The following CDC123 variants were observed in gnomAD, a reference collection of about 807,000 sequenced individuals.
CDC123 encodes cell division cycle 123.
In CDC123, 37 loss-of-function variants were observed where a neutral mutation model predicts 54.4. The observed-to-expected ratio is 0.68, with a 90% CI of 0.52 to 0.89. The LOEUF is 0.89. Among genes scored for constraint, CDC123 ranks in the 40% least tolerant of loss-of-function variants. The pLI is 0.00. For synonymous variants in CDC123, 144 were observed against 136.8 expected, an observed-to-expected ratio of 1.05 and a Z score of -0.37; for missense variants, 361 against 412.1, an observed-to-expected ratio of 0.88 and a Z score of 1.07.
intron 6 of CDC123, among the ~76,000 whole-genome samples, chr10:12,224,536 A>G (rs895146144): frequency 1.3e-5 from 2 of 152,172 alleles, no homozygotes; most frequent in African/African-American, 2.4e-5. Flanking sequence ...TTATTACTTA[A>G]TCACATTTGT....
chr10:12,226,905 G>A (rs1053652435), intron 6 of CDC123, among the ~76,000 whole-genome samples: 17 of 152,082 alleles, frequency 1.1e-4, no homozygotes, highest in Non-Finnish European at 1.5e-4. Context: ...GAAGGCAGGC[G>A]GCTGGGAGGT....
In CDC123 at chr10:12,249,281, T is replaced by C. The variant is rs545114526; in HGVS notation, c.847-300T>C. 4.6e-5 allele frequency among the ~76,000 whole-genome samples: 7 copies of C among 152,166 alleles called. No individual in the cohort carries two copies. The South Asian group carries it at 1.2e-3, about 27-fold the overall frequency. On this transcript the variant is annotated intron_variant, in intron 11 of 12. Transcript: ENST00000281141. ...CTGAGATATTTTCTGTACTAAAATT[T>C]AAAAAACTCAGCTGGGCGTGGTGGC... is the stretch of plus-strand genomic sequence containing the variant.
chr10:12,233,556 A>G (rs975618723), intron 7 of CDC123, among the ~76,000 whole-genome samples: 1 of 149,232 alleles, frequency 6.7e-6, no homozygotes, highest in African/African-American at 2.6e-5. Context: ...ACAATTGCTT[A>G]TTTATTTGTT....
intron 9 of CDC123, 148 bp from the exon 10 acceptor site, chr10:12,238,309 G>A: frequency 1.3e-6 from 1 of 797,872 alleles, no homozygotes; most frequent in Non-Finnish European, 1.9e-6. Context: ...GCCTTTTTAT[G>A]TTTGAAGTTT....
chr10:12,222,960 T>C (rs961088064), intron 6 of CDC123, among the ~76,000 whole-genome samples: 1 of 151,966 alleles, frequency 6.6e-6, no homozygotes, highest in Non-Finnish European at 1.5e-5. Flanking sequence ...GGCGTGATCG[T>C]GGCTCACTGC....
At chr10:12,221,124 T>C (rs1290822058) in intron 6 of CDC123, among the ~76,000 whole-genome samples, 1 of 151,812 alleles carries the variant, frequency 6.6e-6, no homozygotes, top group Non-Finnish European at 1.5e-5. Context: ...TATACTATTT[T>C]GAGGCTTGAC....
intron 6 of CDC123, 59 bp from the exon 7 acceptor site, chr10:12,230,889 G>A (rs1008257155): frequency 1.6e-5 from 24 of 1,459,382 alleles, no homozygotes; most frequent in South Asian, 1.1e-4. Flanking sequence ...TGTTAAGTGT[G>A]TGCATAAACT....
At chr10:12,215,688 A>G (rs542541343) in intron 4 of CDC123, 52 bp from the exon 5 acceptor site, 4 of 1,058,858 alleles carry the variant, frequency 3.8e-6, no homozygotes, top group South Asian at 1.4e-5. Flanking sequence ...CTTGTTTTAT[A>G]TATATACTGT....
In CDC123 at chr10:12,217,341, G is replaced by A; in HGVS notation, c.334-20G>A. On this transcript the variant is annotated intron_variant, in intron 5 of 12. Transcript: ENST00000281141. ...GCCAACATGGAATATGGACTAAATA[G>A]CATGTGCTTCATTCTTTAGGATGCG... 1.2e-6 allele frequency: 2 copies of A among 1,606,400 alleles called. No individual in the cohort carries two copies. The highest frequency in any genetic ancestry group is 1.7e-6 in the Non-Finnish European group (2 of 1,174,958).
chr10:12,196,420 T>A, intron 1 of CDC123, 101 bp downstream of exon 1: 1 of 1,471,236 alleles, frequency 6.8e-7, no homozygotes, highest in Non-Finnish European at 9.4e-7. Flanking sequence ...TTCTAGCGAC[T>A]GCATGGGAGG....
In CDC123 at chr10:12,231,147, A is replaced by G. The variant is rs1305529152; in HGVS notation, c.489+151A>G. The stretch of plus-strand genomic sequence containing the variant: ...AATTTTAAATTTATGAAATATACAC[A>G]TAAAAGGATATATATTATATATAGA... On this transcript the variant is annotated intron_variant, in intron 7 of 12. Transcript: ENST00000281141. 7.9e-6 allele frequency: 5 copies of G among 630,508 alleles called. 1 individual carries two copies. The Admixed American group carries it at 8.9e-5, about 11-fold the overall frequency. 39.1% of individuals were successfully genotyped at this position (630,508 alleles called of 1,614,324 possible).
chr10:12,217,448 A>G lies in CDC123; in HGVS notation c.421A>G (p.Thr141Ala). Residue 141 changes from threonine (T) to alanine (A), a missense_variant, in exon 6 of 13, where the codon ACT becomes GCT. Thr to Ala is a moderately conservative substitution (Grantham distance 58). Coordinates refer to ENST00000281141, the MANE Select transcript of CDC123 (RefSeq NM_006023.3). ...GCTTTTCAAGAGTTCCGATTTCATC[A>G]CTCGTGACTTCACTCAGCCGTAAGT... is the stretch of plus-strand genomic sequence containing the variant. The part of the protein sequence containing the change: ...FLLFKSSDFI[T>A]RDFTQPFIHC... The G allele has an allele frequency of 6.2e-7, 1 of 1,613,828 alleles. No individual in the cohort carries two copies. The highest frequency in any genetic ancestry group is 8.5e-7 in the Non-Finnish European group (1 of 1,179,886).
intron 6 of CDC123, among the ~76,000 whole-genome samples, chr10:12,221,674 C>T (rs972924867): frequency 2.0e-5 from 3 of 150,692 alleles, no homozygotes; most frequent in South Asian, 4.2e-4. Flanking sequence ...TTTCAAACAT[C>T]GTAAGATTTT....
chr10:12,235,658 G>A (rs928351005), intron 8 of CDC123, among the ~76,000 whole-genome samples: 62 of 152,066 alleles, frequency 4.1e-4, no homozygotes, highest in African/African-American at 1.4e-3. Context: ...TCTTTATTTT[G>A]TTAATGCATA....
intron 8 of CDC123, among the ~76,000 whole-genome samples, chr10:12,235,696 A>G (rs1376932999): frequency 6.6e-6 from 1 of 152,182 alleles, no homozygotes; most frequent in Non-Finnish European, 1.5e-5. Flanking sequence ...TTTATCTTCA[A>G]CCTAGAAAAG....
chr10:12,228,745 T>C (rs1001004767), intron 6 of CDC123, among the ~76,000 whole-genome samples: 17 of 152,134 alleles, frequency 1.1e-4, no homozygotes, highest in Admixed American at 3.3e-4. Flanking sequence ...TAATTTTGTA[T>C]TTTTAGTAGA....
chr10:12,203,105 C>A (rs1291695965), intron 2 of CDC123, among the ~76,000 whole-genome samples: 1 of 152,176 alleles, frequency 6.6e-6, no homozygotes, highest in Non-Finnish European at 1.5e-5. Flanking sequence ...GGATGCAGAT[C>A]TTCCATGCCC....
rs116182812 is a variant in CDC123 at position 12,233,947 on chromosome 10, C to T, written c.490-1101C>T. ...GATTTAGGCCAAGGGTAGAATTGAT[C>T]GACTAAAATATTGAGAAAATAGTGA... On this transcript the variant is annotated intron_variant, in intron 7 of 12. Coordinates refer to ENST00000281141, the MANE Select transcript of CDC123 (RefSeq NM_006023.3). Among the ~76,000 whole-genome samples the T allele has an allele frequency of 9.6e-4, 145 of 151,740 alleles. 1 individual carries two copies. The highest frequency in any genetic ancestry group is 3.3e-3 in the African/African-American group (138 of 41,354).
chr10:12,208,492 A>G (rs1835549695), intron 2 of CDC123, among the ~76,000 whole-genome samples: 1 of 152,186 alleles, frequency 6.6e-6, no homozygotes, highest in African/African-American at 2.4e-5. Context: ...GTGTGAAAAT[A>G]TGTTGCAAGG....
Sources: allele counts gnomAD v4.1 joint callset (sites outside exome capture counted in the v4.1 genomes callset), GRCh38; gene constraint gnomAD v4.1.1; transcripts MANE v1.5; gene names NCBI Gene and HGNC (gene_info 2026-07-23, HGNC 2026-07-21).